Variants in MRPL4 observed in about 807,000 individuals in gnomAD.
The protein encoded by MRPL4 is large ribosomal subunit protein uL4m.
Under a neutral mutation model 34.1 loss-of-function variants are expected in MRPL4, and 34 were observed. The ratio of observed to expected loss-of-function variants is 1.00; its 90% CI spans 0.76 to 1.33. The LOEUF is 1.33. MRPL4 is among the 40% of genes most tolerant of loss of function. MRPL4 has a pLI of 0.00. For synonymous variants in MRPL4, 196 were observed against 188.3 expected (o/e 1.04, Z -0.33); for missense variants, 402 against 434.6 (o/e 0.92, Z 0.67).
At chr19:10,254,807 GT>G in intron 4 of MRPL4, 167 bp downstream of exon 4, 1 of 586,086 alleles carries the variant, frequency 1.7e-6, no homozygotes, top group Non-Finnish European at 2.9e-6. Context: ...TCTTTTTTTT[GT>G]TTGTTTTTGA....
At chr19:10,256,683 AC>A in intron 4 of MRPL4, 24 bp from the exon 5 acceptor site, 3 of 1,602,280 alleles carry the variant, frequency 1.9e-6, no homozygotes, top group Non-Finnish European at 2.6e-6. Context: ...CGTGGACCTG[AC>A]CCCCCTCCTC....
chr19:10,259,503 C>G, intron 8 of MRPL4, 114 bp from the exon 9 acceptor site: 1 of 1,495,976 alleles, frequency 6.7e-7, no homozygotes, highest in Non-Finnish European at 8.9e-7. Flanking sequence ...CAAAGTCACA[C>G]TAGACCACAG....
At chr19:10,252,185 C>T (rs563654940), upstream of MRPL4, 3 of 1,479,246 alleles carry the variant, frequency 2.0e-6, no homozygotes, top group South Asian at 3.9e-5. Context: ...GCGTGCGTGA[C>T]GTCATCCAGC....
chr19:10,259,950 C>T lies in MRPL4; in HGVS notation c.*137C>T, dbSNP rs1046833682. On this transcript the variant is annotated 3_prime_UTR_variant, in exon 9 of 9. Transcript: ENST00000253099. Reference sequence around the variant, plus strand: ...AGCTGAGGCCACAGGGAGCGGCCATCGCCATTGGGAAGGGGCGACTCCACG... The same window carrying T: ...AGCTGAGGCCACAGGGAGCGGCCATTGCCATTGGGAAGGGGCGACTCCACG... 16 of 737,164 alleles carry T rather than the reference C, an allele frequency of 2.2e-5. No individual in the cohort carries two copies. Among genetic ancestry groups the T allele is most frequent in the Admixed American group, 7.3e-5 (2 of 27,578 alleles). 45.7% of individuals were successfully genotyped at this position (737,164 alleles called of 1,614,324 possible).
chr19:10,259,404 G>A, intron 8 of MRPL4: 1 of 1,406,862 alleles, frequency 7.1e-7, no homozygotes, highest in Non-Finnish European at 9.2e-7. Flanking sequence ...CTCTCGGTCA[G>A]CAGGTGATGA....
intron 7 of MRPL4, 28 bp downstream of exon 7, chr19:10,258,550 GGGGGCCCTGAGCTCCGTACTCTGA>G: frequency 6.2e-7 from 1 of 1,614,072 alleles, no homozygotes; most frequent in Non-Finnish European, 8.5e-7. Flanking sequence ...AGCAGGGGCA[GGGGGCCCTGAGCTCCGTACTCTGA>G]GGGTTCAACC....
At chr19:10,259,098 C>CA (rs35481360) in intron 8 of MRPL4, 26,820 of 539,460 alleles carry the variant, frequency 0.05, 2,247 homozygotes, top group Admixed American at 0.16. Context: ...ACTCTTGTCT[C>CA]AAAAAAAAAA....
intron 8 of MRPL4, 42 bp from the exon 9 acceptor site, chr19:10,259,575 C>A: frequency 6.5e-7 from 1 of 1,543,074 alleles, no homozygotes; most frequent in Non-Finnish European, 8.7e-7. Flanking sequence ...GAGGCAGCCC[C>A]GGCCTGACCG....
chr19:10,252,173 T>C, upstream of MRPL4: 2 of 1,447,662 alleles, frequency 1.4e-6, no homozygotes, highest in Non-Finnish European at 1.8e-6. Flanking sequence ...TAGGGCGGCG[T>C]CGCGTGCGTG....
At chr19:10,259,037 T>A in intron 8 of MRPL4, 1 of 1,381,408 alleles carries the variant, frequency 7.2e-7, no homozygotes, top group Non-Finnish European at 9.3e-7. Context: ...GGGCCAAGGC[T>A]GCAGTGAGTC....
At chr19:10,256,285 C>CAA (rs906552520) in intron 4 of MRPL4, among the ~76,000 whole-genome samples, 1 of 145,058 alleles carries the variant, frequency 6.9e-6, no homozygotes, top group Non-Finnish European at 1.5e-5. Flanking sequence ...GACTCCATCT[C>CAA]AAAAAAAAAA....
intron 3 of MRPL4, among the ~76,000 whole-genome samples, chr19:10,253,343 G>A (rs1180136909): frequency 1.3e-5 from 2 of 151,290 alleles, no homozygotes; most frequent in Non-Finnish European, 2.9e-5. Context: ...GCCGGGCGTG[G>A]TGGCGGGCGT....
In MRPL4 at chr19:10,259,882, C is replaced by G; in HGVS notation, c.*69C>G. 7.2e-7 allele frequency: 1 copy of G among 1,398,152 alleles called. No homozygotes were observed. Among genetic ancestry groups the G allele is most frequent in the South Asian group, 1.3e-5 (1 of 74,844 alleles). 86.6% of individuals were successfully genotyped at this position (1,398,152 alleles called of 1,614,324 possible). On this transcript the variant is annotated 3_prime_UTR_variant, in exon 9 of 9. Coordinates refer to ENST00000253099, the MANE Select transcript of MRPL4 (RefSeq NM_015956.3). ...TGGGAGCCTCAGGCCCACGCCCACC[C>G]TTCGAGGAAGGTGTCACCTGGACCC...
Position 10,256,849 on chromosome 19 carries a change from C to CGGGGGGGGGG in MRPL4, c.445+28_445+29insGGGGGGGGGG. The CGGGGGGGGGG allele has an allele frequency of 1.8e-4, 4 of 22,270 alleles. No individual in the cohort carries two copies. The South Asian group carries it at 2.1e-3, about 12-fold the overall frequency. The allele number at this position is 22,270 out of a possible 1,614,324, so 1.4% of individuals were successfully genotyped here. On this transcript the variant is annotated intron_variant, in intron 5 of 8. Transcript: ENST00000253099. ...AGGTAACAGGACAGGGTGGAGGGGG[C>CGGGGGGGGGG]GGGGAGGGGTGGGGGGGCCAGGGAA...
At chr19:10,256,866 G>GGGGGGGGGGGGGGGGGGGGGGGGGGCC in intron 5 of MRPL4, 41 bp downstream of exon 5, 32 of 378,300 alleles carry the variant, frequency 8.5e-5, no homozygotes, top group East Asian at 2.5e-4. Flanking sequence ...GGGTGGGGGG[G>GGGGGGGGGGGGGGGGGGGGGGGGGGCC]CCAGGGAAGG....
chr19:10,259,228 G>C (rs987131607), intron 8 of MRPL4: 3 of 1,291,802 alleles, frequency 2.3e-6, no homozygotes, highest in East Asian at 6.3e-5. Flanking sequence ...CACGCCCCTC[G>C]CTGGCTTCCC....
At chr19:10,252,164 A>T (rs142279783), upstream of MRPL4, 2,542 of 1,403,246 alleles carry the variant, frequency 1.8e-3, 63 homozygotes, top group Admixed American at 0.042. Flanking sequence ...CGCGGCGGGT[A>T]GGGCGGCGTC....
Position 10,258,605 on chromosome 19 carries a change from AC to A in MRPL4, c.663-3del, listed in dbSNP as rs759016804. ...CAACCCCCACTCCCTGGCCTCTCTT[AC>A]AGAACACACGAGGAGATGCCACAGA... is the stretch of plus-strand genomic sequence containing the variant. On this transcript the variant is annotated splice_polypyrimidine_tract_variant and splice_region_variant and intron_variant, in intron 7 of 8. Transcript: ENST00000253099. 5.6e-6 allele frequency: 9 copies of A among 1,614,152 alleles called. No homozygotes were observed. The South Asian group carries it at 8.8e-5, about 16-fold the overall frequency.
chr19:10,259,383 A>C (rs1599255392), intron 8 of MRPL4: 1 of 1,403,116 alleles, frequency 7.1e-7, no homozygotes, highest in Non-Finnish European at 9.2e-7. Flanking sequence ...CAGGCACAGG[A>C]CCGAGCCTGG....
Sources: gnomAD v4.1 joint callset for allele counts (sites outside exome capture counted in the v4.1 genomes callset) on GRCh38, gnomAD v4.1.1 for gene constraint, MANE v1.5 for transcripts, NCBI Gene and HGNC (gene_info 2026-07-23, HGNC 2026-07-21) for gene names.